Variants in SPATA1 observed in about 807,000 individuals in gnomAD.
The protein encoded by SPATA1 is spermatogenesis associated 1, also known as spermatogenesis-associated protein 1.
A neutral mutation model predicts 59.6 loss-of-function variants in SPATA1; 57 were observed. The ratio of observed to expected loss-of-function variants is 0.96; its 90% CI spans 0.77 to 1.19. The LOEUF (loss-of-function observed/expected upper bound fraction) is 1.19, where lower values mean the gene tolerates loss of function less well. Among genes scored for constraint, SPATA1 ranks in the 50% most tolerant of loss-of-function variants. SPATA1 has a pLI of 0.00. For synonymous variants in SPATA1, 147 were observed against 163.9 expected (o/e 0.90, Z 0.79); for missense variants, 448 against 480.7 (o/e 0.93, Z 0.64).
intron 4 of SPATA1, among the ~76,000 whole-genome samples, chr1:84,564,831 C>T (rs911736401): frequency 6.6e-6 from 1 of 152,050 alleles, no homozygotes; most frequent in Middle Eastern, 3.4e-3. Context: ...GGATCACTTG[C>T]GGCCAGCCTG....
At chr1:84,529,234 T>C (rs944190925) in intron 6 of SPATA1, among the ~76,000 whole-genome samples, 14 of 152,198 alleles carry the variant, frequency 9.2e-5, no homozygotes, top group African/African-American at 3.4e-4. Flanking sequence ...TCGATAGTTT[T>C]GGTTTGAACT....
At chr1:84,548,606 A>C (rs111792268) in intron 10 of SPATA1, among the ~76,000 whole-genome samples, 180 bp from the exon 11 acceptor site, 9,020 of 148,664 alleles carry the variant, frequency 0.061, 445 homozygotes, top group African/African-American at 0.13. Context: ...TCCAAAAAAC[A>C]TTTCTTCCTC....
intron 10 of SPATA1, among the ~76,000 whole-genome samples, 172 bp from the exon 11 acceptor site, chr1:84,548,614 C>G (rs1239477034): frequency 6.7e-6 from 1 of 148,482 alleles, no homozygotes; most frequent in Non-Finnish European, 1.5e-5. Flanking sequence ...ACATTTCTTC[C>G]TCAGGTCTAA....
chr1:84,533,719 T>A, exon 8 of SPATA1: 2 of 1,564,868 alleles, frequency 1.3e-6, no homozygotes, highest in Non-Finnish European at 1.7e-6. Context: ...TCAGTGTCTT[T>A]GGGAAAATGA....
intron 12 of SPATA1, chr1:84,552,397 GA>G (rs1254538394): frequency 6.6e-6 from 1 of 152,100 alleles, no homozygotes; most frequent in Non-Finnish European, 1.5e-5. Context: ...ACAACACTTG[GA>G]ATAGTAAGGG....
intron 8 of SPATA1, among the ~76,000 whole-genome samples, chr1:84,539,480 C>T (rs927575809): frequency 6.6e-6 from 1 of 152,196 alleles, no homozygotes; most frequent in Non-Finnish European, 1.5e-5. Context: ...ATAATACATA[C>T]TGTCTTCACA....
At chr1:84,526,000 G>T in exon 6 of SPATA1, 1 of 1,613,548 alleles carries the variant, frequency 6.2e-7, no homozygotes, top group South Asian at 1.1e-5. Context: ...CTTTGTTCAA[G>T]GAGGAACTTG....
chr1:84,559,997 T>C (rs1233375146), intron 4 of SPATA1, among the ~76,000 whole-genome samples: 2 of 149,216 alleles, frequency 1.3e-5, no homozygotes, highest in Admixed American at 6.7e-5. Flanking sequence ...AGGAGTAGAA[T>C]TGCTTGAACC....
chr1:84,533,683 C>A (rs749309160), intron 7 of SPATA1, 26 bp from the exon 8 acceptor site: 1 of 1,524,426 alleles, frequency 6.6e-7, no homozygotes, highest in South Asian at 1.2e-5. Context: ...GTTTTAATGA[C>A]TTTCAAACCT....
chr1:84,556,544 T>C (rs11164008), downstream of SPATA1, among the ~76,000 whole-genome samples: 150,026 of 151,902 alleles, frequency 0.99, 74,115 homozygotes, highest in East Asian at 1. Context: ...AACCCCATCT[T>C]TACTAAAATA....
Position 84,516,451 on chromosome 1 carries a change from G to C in SPATA1, c.36+56G>C, listed in dbSNP as rs1570392228. The C allele has an allele frequency of 5.2e-6, 6 of 1,144,870 alleles. No individual in the cohort carries two copies. The East Asian group carries it at 1.8e-4, about 33-fold the overall frequency. The allele number at this position is 1,144,870 out of a possible 1,614,324, so 70.9% of individuals were successfully genotyped here. On this transcript the variant is annotated intron_variant, in intron 2 of 12. Transcript: ENST00000490879. Reference sequence around the variant, plus strand: ...GAAAGACCTGCTTATCACTGTTTTTGAAAAGTTTTATAAAAGCAAAAACAT... The same window carrying C: ...GAAAGACCTGCTTATCACTGTTTTTCAAAAGTTTTATAAAAGCAAAAACAT...
chr1:84,512,761 T>C (rs1682628059), intron 1 of SPATA1, among the ~76,000 whole-genome samples: 1 of 152,248 alleles, frequency 6.6e-6, no homozygotes, highest in Non-Finnish European at 1.5e-5. Context: ...ATTTCTGTAC[T>C]GTTTCCTACT....
chr1:84,560,083 C>CAAAA (rs751117358), intron 4 of SPATA1, among the ~76,000 whole-genome samples: 2 of 61,336 alleles, frequency 3.3e-5, no homozygotes, highest in Non-Finnish European at 6.4e-5. Context: ...GACTCTGTCT[C>CAAAA]AAAAAAAAAA....
intron 2 of SPATA1, among the ~76,000 whole-genome samples, chr1:84,518,447 T>C (rs1682882444): frequency 1.3e-5 from 2 of 152,118 alleles, no homozygotes; most frequent in South Asian, 4.1e-4. Flanking sequence ...CCTGTTTACT[T>C]TGAATATTTT....
intron 2 of SPATA1, among the ~76,000 whole-genome samples, chr1:84,518,215 A>T (rs1223006406): frequency 3.9e-5 from 6 of 152,204 alleles, no homozygotes; most frequent in Non-Finnish European, 8.8e-5. Context: ...GAAAGTTTTA[A>T]AAAACGTAAC....
exon 4 of SPATA1, chr1:84,522,400 C>G: frequency 2.0e-6 from 3 of 1,485,522 alleles, no homozygotes. Context: ...AGTATCTCCT[C>G]AACTTACTTT....
At chr1:84,556,009 C>T (rs890284051), downstream of SPATA1, 1 of 152,200 alleles carries the variant, frequency 6.6e-6, no homozygotes, top group Admixed American at 6.5e-5. Context: ...AAAGTACATC[C>T]TTTTCTAGGT....
chr1:84,558,616 AG>A (rs1157765214), downstream of SPATA1, among the ~76,000 whole-genome samples: 1 of 149,546 alleles, frequency 6.7e-6, no homozygotes, highest in Non-Finnish European at 1.5e-5. Context: ...AAAAAAAAAA[AG>A]AGGCCAAGTG....
At chr1:84,544,686 G>A (rs1045161307) in intron 9 of SPATA1, among the ~76,000 whole-genome samples, 3 of 151,682 alleles carry the variant, frequency 2.0e-5, no homozygotes, top group South Asian at 2.1e-4. Flanking sequence ...TCAGCCTCCC[G>A]AGTAGCTGGG....
Sources: allele counts gnomAD v4.1 joint callset (sites outside exome capture counted in the v4.1 genomes callset), GRCh38; gene constraint gnomAD v4.1.1; transcripts MANE v1.5; gene names NCBI Gene and HGNC (gene_info 2026-07-23, HGNC 2026-07-21).